The following HIC2 variants were observed in gnomAD, a reference collection of about 807,000 sequenced individuals.
The protein encoded by HIC2 is HIC ZBTB transcriptional repressor 2, also known as hypermethylated in cancer 2 protein.
Under a neutral mutation model 39.5 loss-of-function variants are expected in HIC2, and 2 were observed. The ratio of observed to expected loss-of-function variants is 0.05; its 90% confidence interval spans 0.02 to 0.16. The LOEUF (loss-of-function observed/expected upper bound fraction) is 0.16, where lower values mean the gene tolerates loss of function less well. Among genes scored for constraint, HIC2 ranks in the 10% least tolerant of loss-of-function variants. The probability of loss-of-function intolerance (pLI) is 1.00; values close to 1 mark genes in which losing one functional copy is unlikely to be tolerated. For missense variants in HIC2, 713 were observed against 863.5 expected (o/e 0.83, Z 2.18); for synonymous variants, 399 against 368.8 (o/e 1.08, Z -0.94).
At chr22:21,444,533 G>A (rs769004260) in intron 2 of HIC2, among the ~76,000 whole-genome samples, 3 of 152,218 alleles carry the variant, frequency 2.0e-5, no homozygotes, top group African/African-American at 7.2e-5. Flanking sequence ...GAAGTTTAAA[G>A]CCATCTGGTC....
At chr22:21,443,174 A>G (rs1923612752) in intron 2 of HIC2, among the ~76,000 whole-genome samples, 1 of 152,048 alleles carries the variant, frequency 6.6e-6, no homozygotes, top group Middle Eastern at 3.4e-3. Flanking sequence ...CAGGGAGTGG[A>G]GGAGGATTGG....
Position 21,446,436 on chromosome 22 carries a change from A to C in HIC2, c.1541A>C (p.Tyr514Ser). Residue 514 changes from tyrosine to serine, a missense_variant, in exon 3 of 3, where the codon TAC becomes TCC. By Grantham distance (144) the Tyr-to-Ser change is moderately radical (BLOSUM62 -2). Coordinates refer to ENST00000407464, the MANE Select transcript of HIC2 (RefSeq NM_015094.3). Reference sequence around the variant, plus strand: ...AAGTGTTCGGTCTGCGAGAAGACCTACAAGGACCCAGCCACGCTGCGGCAG... The same window carrying C: ...AAGTGTTCGGTCTGCGAGAAGACCTCCAAGGACCCAGCCACGCTGCGGCAG... ...PFKCSVCEKTYKDPATLRQHE... is the reference protein window; with the variant it reads ...PFKCSVCEKTSKDPATLRQHE... 1 of 1,612,172 alleles carries C rather than the reference A, an allele frequency of 6.2e-7. No homozygotes were observed. The highest frequency in any genetic ancestry group is 8.5e-7 in the Non-Finnish European group (1 of 1,180,018).
Position 21,446,267 on chromosome 22 carries a change from A to G in HIC2, c.1372A>G (p.Asn458Asp), listed in dbSNP as rs550684802. ...GGGCTTCCCCAGCTCTGAGCAGCTC[A>G]ATGCGCACGTGGAGACTCACACGGA... Reference protein sequence around the residue: ...AKGFPSSEQLNAHVETHTEEE... With the variant: ...AKGFPSSEQLDAHVETHTEEE... The change falls in exon 3 of 3, where the codon AAT becomes GAT. Residue 458 changes from asparagine to aspartate, a missense_variant. Asn to Asp is a conservative substitution (Grantham distance 23). This residue lies in a region of HIC2 where 11 missense variants were observed against 28.3 expected (regional missense o/e 0.39). Coordinates refer to ENST00000407464, the MANE Select transcript of HIC2 (RefSeq NM_015094.3). 1 of 1,613,302 alleles carries G rather than the reference A, an allele frequency of 6.2e-7. No individual in the cohort carries two copies. Among genetic ancestry groups the G allele is most frequent in the African/African-American group, 1.3e-5 (1 of 75,038 alleles).
chr22:21,445,540 C>A lies in HIC2; in HGVS notation c.645C>A (p.Gly215=), dbSNP rs371662402. ...GSNQDSVQGL[G]RAVCPAGGEA... is the part of the protein sequence containing the mutation. ...ACCAGGATAGCGTGCAAGGTCTGGG[C>A]CGGGCTGTCTGCCCAGCTGGCGGGG... is the stretch of plus-strand genomic sequence containing the variant. The change falls in exon 3 of 3, where the codon GGC becomes GGA. Residue 215 remains glycine (G), a synonymous_variant. Coordinates refer to ENST00000407464, the MANE Select transcript of HIC2 (RefSeq NM_015094.3). The A allele has an allele frequency of 2.0e-5, 32 of 1,600,990 alleles. No homozygotes were observed. Among genetic ancestry groups the A allele is most frequent in the Non-Finnish European group, 2.7e-5 (32 of 1,175,078 alleles).
At position 21,445,666 on chromosome 22, in the gene HIC2, C is replaced by G; in HGVS notation, c.771C>G (p.Pro257=). The G allele has an allele frequency of 6.2e-7, 1 of 1,607,356 alleles. No homozygotes were observed. Among genetic ancestry groups the G allele is most frequent in the Non-Finnish European group, 8.5e-7 (1 of 1,177,472 alleles). ...LDLSKKSPPL[P]PATPGPHLTP... ...TGTCCAAGAAAAGCCCACCCTTGCCCCCTGCCACCCCAGGTCCCCACCTCA... is the reference window on the plus strand; with the variant it reads ...TGTCCAAGAAAAGCCCACCCTTGCCGCCTGCCACCCCAGGTCCCCACCTCA... Residue 257 remains proline, a synonymous_variant, in exon 3 of 3, where the codon CCC becomes CCG. Coordinates refer to ENST00000407464, the MANE Select transcript of HIC2 (RefSeq NM_015094.3).
chr22:21,431,966 G>C (rs1923326145), intron 1 of HIC2, among the ~76,000 whole-genome samples: 1 of 135,554 alleles, frequency 7.4e-6, no homozygotes, highest in South Asian at 2.8e-4. Context: ...GCAAGACCCT[G>C]TCTCCAAACA....
chr22:21,432,037 A>G (rs1601326511), intron 1 of HIC2, among the ~76,000 whole-genome samples: 1 of 136,692 alleles, frequency 7.3e-6, no homozygotes, highest in South Asian at 2.7e-4. Flanking sequence ...TCTTTCTTGG[A>G]GTAAAATAAC....
intron 2 of HIC2, 152 bp from the exon 3 acceptor site, chr22:21,444,770 G>A: frequency 1.3e-6 from 1 of 753,492 alleles, no homozygotes; most frequent in Non-Finnish European, 2.1e-6. Flanking sequence ...TGGGCATTGT[G>A]GGCTTATGTG....
rs374952692 is a variant in HIC2, at chr22:21,445,192, C to T, written c.297C>T (p.Phe99=). Residue 99 remains phenylalanine, a synonymous_variant, in exon 3 of 3, where the codon TTC becomes TTT. Transcript: ENST00000407464. ...CAGTGTTCCAGCAGATCTTGGACTT[C>T]ATCTACACAGGCAAGCTGCTGCCCA... ...SSTVFQQILD[F]IYTGKLLPSD... is the part of the protein sequence containing the mutation. The T allele has an allele frequency of 2.3e-5, 37 of 1,613,866 alleles. 1 individual carries two copies. Among genetic ancestry groups the T allele is most frequent in the South Asian group, 1.1e-4 (10 of 91,074 alleles).
At chr22:21,426,297 G>C (rs1162890589) in intron 1 of HIC2, among the ~76,000 whole-genome samples, 1,891 of 136,810 alleles carry the variant, frequency 0.014, no homozygotes, top group Middle Eastern at 0.045. Context: ...TAAGCCTCCC[G>C]AGTAGTTAGG....
At position 21,443,532 on chromosome 22, in the gene HIC2, CAG is replaced by C. The variant is rs532718803; in HGVS notation, c.26+678_26+679del. Among the ~76,000 whole-genome samples, 331 of 152,148 alleles carry C rather than the reference CAG, an allele frequency of 2.2e-3. 2 individuals are homozygous for C. Among genetic ancestry groups the C allele is most frequent in the African/African-American group, 7.5e-3 (313 of 41,490 alleles). ...AGTAGATCCCAGAGGGCGGTGGGCT[CAG>C]AGTAGTTCAGCTGCTGAGAGACTGG... is the stretch of plus-strand genomic sequence containing the variant. On this transcript the variant is annotated intron_variant, in intron 2 of 2. Coordinates refer to ENST00000407464, the MANE Select transcript of HIC2 (RefSeq NM_015094.3).
Position 21,446,121 on chromosome 22 carries a change from G to A in HIC2, c.1226G>A (p.Ser409Asn). The A allele has an allele frequency of 4.4e-6, 7 of 1,608,282 alleles. No individual in the cohort carries two copies. Among genetic ancestry groups the A allele is most frequent in the Non-Finnish European group, 5.1e-6 (6 of 1,179,866 alleles). The part of the protein sequence containing the change: ...EENGKDASED[S>N]AQSGSEGGSG... Reference sequence around the variant, plus strand: ...AACGGCAAGGATGCAAGTGAAGACAGTGCGCAGAGCGGGAGCGAGGGGGGC... The same window carrying A: ...AACGGCAAGGATGCAAGTGAAGACAATGCGCAGAGCGGGAGCGAGGGGGGC... Residue 409 changes from serine (S) to asparagine (N), a missense_variant, in exon 3 of 3, where the codon AGT becomes AAT. Physicochemically the swap from Ser to Asn is conservative, Grantham distance 46. Coordinates refer to ENST00000407464, the MANE Select transcript of HIC2 (RefSeq NM_015094.3).
chr22:21,450,447 C>T lies in HIC2; in HGVS notation c.*3704C>T, dbSNP rs1478321707. 1 of 152,898 alleles carries T rather than the reference C, an allele frequency of 6.5e-6. No homozygotes were observed. Among genetic ancestry groups the T allele is most frequent in the Non-Finnish European group, 1.5e-5 (1 of 68,130 alleles). The allele number at this position is 152,898 out of a possible 1,614,324, so 9.5% of individuals were successfully genotyped here. On this transcript the variant is annotated 3_prime_UTR_variant, in exon 3 of 3. Transcript: ENST00000407464. ...CGTCAGTATTCACTGGACCTCAGGC[C>T]CTGTGCAGGAGTGCGATCCGGGCTG...
chr22:21,432,608 G>A (rs1234630500), intron 1 of HIC2, among the ~76,000 whole-genome samples: 34 of 128,078 alleles, frequency 2.7e-4, no homozygotes, highest in Middle Eastern at 3.8e-3. Context: ...CCCGGGAGGC[G>A]GAGGTTGCGG....
rs906803099 is a variant in HIC2, at chr22:21,449,506, A to G, written c.*2763A>G. On this transcript the variant is annotated 3_prime_UTR_variant, in exon 3 of 3. Coordinates refer to ENST00000407464, the MANE Select transcript of HIC2 (RefSeq NM_015094.3). ...CATTTTGAATGAGTATGGAACCTCC[A>G]TGGGCTCAGAAAAAAGATGCTAATA... 4 of 152,800 alleles carry G rather than the reference A, an allele frequency of 2.6e-5. No individual in the cohort carries two copies. Among genetic ancestry groups the G allele is most frequent in the African/African-American group, 7.2e-5 (3 of 41,450 alleles). 9.5% of individuals were successfully genotyped at this position (152,800 alleles called of 1,614,324 possible).
rs1924119709 is a variant in HIC2, at chr22:21,450,498, CCCT to C, written c.*3759_*3761del. The C allele has an allele frequency of 6.5e-6, 1 of 152,864 alleles. No homozygotes were observed. Among genetic ancestry groups the C allele is most frequent in the Admixed American group, 6.5e-5 (1 of 15,280 alleles). 9.5% of individuals were successfully genotyped at this position (152,864 alleles called of 1,614,324 possible). A position where few individuals can be genotyped will look rare whatever the true frequency, so the allele number is the denominator to read the frequency against. ...GGCCGCTGGGCAGGCTGACCCCCTGCCCTCCTGCGGCCATCCTGAGTTGGGGTG... is the reference window on the plus strand; with the variant it reads ...GGCCGCTGGGCAGGCTGACCCCCTGCCCTGCGGCCATCCTGAGTTGGGGTG... On this transcript the variant is annotated 3_prime_UTR_variant, in exon 3 of 3. Coordinates refer to ENST00000407464, the MANE Select transcript of HIC2 (RefSeq NM_015094.3).
At position 21,450,125 on chromosome 22, in the gene HIC2, T is replaced by A. The variant is rs1465791361; in HGVS notation, c.*3382T>A. The A allele has an allele frequency of 4.6e-5, 7 of 152,804 alleles. No individual in the cohort carries two copies. The highest frequency in any genetic ancestry group is 7.3e-5 in the Non-Finnish European group (5 of 68,048). The allele number at this position is 152,804 out of a possible 1,614,324, so 9.5% of individuals were successfully genotyped here. A position where few individuals can be genotyped will look rare whatever the true frequency, so the allele number is the denominator to read the frequency against. The stretch of plus-strand genomic sequence containing the variant: ...CAATATGTTTGTGCAGTGATGAATG[T>A]ATTTATTTCTCAGACTTGGGGCGAG... On this transcript the variant is annotated 3_prime_UTR_variant, in exon 3 of 3. Transcript: ENST00000407464.
intron 1 of HIC2, 51 bp downstream of exon 1, chr22:21,417,611 G>GGGCCGC (rs1487741276): frequency 5.8e-4 from 85 of 147,290 alleles, no homozygotes; most frequent in African/African-American, 2.0e-3. Context: ...GCGGGGGCCG[G>GGGCCGC]GGCCGCGGGC....
intron 1 of HIC2, among the ~76,000 whole-genome samples, chr22:21,432,159 C>CT (rs527306878): frequency 0.01 from 661 of 64,478 alleles, 5 homozygotes; most frequent in African/African-American, 0.04. Context: ...CAGCGGCTTC[C>CT]TTTGACCCCA....
Sources: gnomAD v4.1 joint callset for allele counts (sites outside exome capture counted in the v4.1 genomes callset) on GRCh38, gnomAD v4.1.1 for gene constraint, gnomAD v4.1.1 regional missense constraint, MANE v1.5 for transcripts, NCBI Gene and HGNC (gene_info 2026-07-23, HGNC 2026-07-21) for gene names.